BFSP2: variants seen among roughly 807,000 people sequenced by gnomAD.
BFSP2 encodes the protein beaded filament structural protein 2.
BFSP2 carries 38 observed loss-of-function variants against 44.9 expected under a neutral mutation model. The ratio of observed to expected loss-of-function variants is 0.85; its 90% CI spans 0.65 to 1.11. The LOEUF is 1.11. BFSP2 is among the 50% of genes least tolerant of loss of function. The pLI is 0.00. For synonymous variants in BFSP2, 197 were observed against 209.9 expected, an observed-to-expected ratio of 0.94 and a Z score of 0.53; for missense variants, 525 against 533.0, an observed-to-expected ratio of 0.99 and a Z score of 0.15.
Position 133,475,105 on chromosome 3 carries a change from C to T in BFSP2, c.*133C>T. ...GGTTAATTCAGCTTGAGCTGAAAAGCTTCCTGGAAGTGGAGAGGATCCTTC... is the reference window on the plus strand; with the variant it reads ...GGTTAATTCAGCTTGAGCTGAAAAGTTTCCTGGAAGTGGAGAGGATCCTTC... On this transcript the variant is annotated 3_prime_UTR_variant, in exon 7 of 7. Coordinates refer to ENST00000302334, the MANE Select transcript of BFSP2 (RefSeq NM_003571.4). The T allele has an allele frequency of 7.6e-7, 1 of 1,321,672 alleles. No homozygotes were observed. The highest frequency in any genetic ancestry group is 1.2e-5 in the South Asian group (1 of 84,902). 81.9% of individuals were successfully genotyped at this position (1,321,672 alleles called of 1,614,324 possible).
intron 1 of BFSP2, among the ~76,000 whole-genome samples, chr3:133,439,035 C>G (rs2107913998): frequency 6.6e-6 from 1 of 152,358 alleles, no homozygotes; most frequent in South Asian, 2.1e-4. Flanking sequence ...CTCTCTGAGA[C>G]TGAGTTTCCT....
rs534782018 is a variant in BFSP2, at chr3:133,452,075, A to C, written c.891+1611A>C. On this transcript the variant is annotated intron_variant, in intron 4 of 6. Transcript: ENST00000302334. ...GCATTTTCAAAAATCGCCATCCCAGACCAACCAAATCAGACAGAGGAGAGG... is the reference window on the plus strand; with the variant it reads ...GCATTTTCAAAAATCGCCATCCCAGCCCAACCAAATCAGACAGAGGAGAGG... Among the ~76,000 whole-genome samples the C allele has an allele frequency of 5.3e-5, 8 of 152,352 alleles. No homozygotes were observed. In the East Asian group the frequency reaches 1.2e-3, roughly 22 times the overall value.
intron 1 of BFSP2, chr3:133,410,156 G>T: frequency 5.8e-6 from 1 of 171,696 alleles, no homozygotes; most frequent in Non-Finnish European, 1.2e-5. Flanking sequence ...TTTTATAGGA[G>T]ACAAATCTAT....
chr3:133,406,911 C>T (rs2073409595), intron 1 of BFSP2, among the ~76,000 whole-genome samples: 1 of 151,970 alleles, frequency 6.6e-6, no homozygotes, highest in African/African-American at 2.4e-5. Context: ...AAAATAACAT[C>T]AAAAAGCAAT....
At chr3:133,409,212 T>G (rs1039154328) in intron 1 of BFSP2, among the ~76,000 whole-genome samples, 3 of 141,158 alleles carry the variant, frequency 2.1e-5, no homozygotes, top group South Asian at 2.4e-4. Context: ...GCACTGGCAC[T>G]GTTATTCTGA....
chr3:133,400,901 T>C lies in BFSP2; in HGVS notation c.489+329T>C, dbSNP rs1216799080. 6.6e-6 allele frequency among the ~76,000 whole-genome samples: 1 copy of C among 151,880 alleles called. No individual in the cohort carries two copies. Among genetic ancestry groups the C allele is most frequent in the Non-Finnish European group, 1.5e-5 (1 of 67,946 alleles). Reference sequence around the variant, plus strand: ...TTCAAAGCTAGTAGAGGGATGGAGATGAGATTTGAACCTGAATTTTTGTGC... The same window carrying C: ...TTCAAAGCTAGTAGAGGGATGGAGACGAGATTTGAACCTGAATTTTTGTGC... On this transcript the variant is annotated intron_variant, in intron 1 of 6. Transcript: ENST00000302334. This position sits in a 1 kb window ranked among gnomAD's most constrained non-coding sequence, Gnocchi z 4.0.
chr3:133,467,291 C>CGT (rs1309003547), intron 5 of BFSP2, among the ~76,000 whole-genome samples: 5 of 152,216 alleles, frequency 3.3e-5, no homozygotes, highest in Non-Finnish European at 7.3e-5. Context: ...GAAGGTTAGG[C>CGT]CCTGCCCCCC....
At chr3:133,450,782 CT>C (rs1352257882) in intron 4 of BFSP2, among the ~76,000 whole-genome samples, 3 of 152,148 alleles carry the variant, frequency 2.0e-5, no homozygotes, top group African/African-American at 7.2e-5. Flanking sequence ...TAAAATGCCC[CT>C]AGCTACCAAC....
chr3:133,408,535 C>T (rs1229130477), intron 1 of BFSP2, among the ~76,000 whole-genome samples: 2 of 152,228 alleles, frequency 1.3e-5, no homozygotes, highest in Non-Finnish European at 2.9e-5. Flanking sequence ...CAATGACACA[C>T]TGGCAAAAAT....
rs1177848732 is a variant in BFSP2, at chr3:133,431,525, A to G, written c.490-15792A>G. 2.6e-5 allele frequency among the ~76,000 whole-genome samples: 4 copies of G among 151,888 alleles called. No individual in the cohort carries two copies. In the East Asian group the frequency reaches 5.8e-4, roughly 22 times the overall value. ...GGACTGTTCAACTCACCTGGCAGCC[A>G]CTCCCAGAGCCCCTGGAACTCTGGC... is the stretch of plus-strand genomic sequence containing the variant. On this transcript the variant is annotated intron_variant, in intron 1 of 6. Coordinates refer to ENST00000302334, the MANE Select transcript of BFSP2 (RefSeq NM_003571.4).
At chr3:133,426,297 C>CAGGT (rs913537549) in intron 1 of BFSP2, among the ~76,000 whole-genome samples, 1 of 152,088 alleles carries the variant, frequency 6.6e-6, no homozygotes, top group Non-Finnish European at 1.5e-5. Flanking sequence ...CCCCTGCTGA[C>CAGGT]GTGCCTGTCA....
intron 4 of BFSP2, chr3:133,455,858 A>C (rs1418352515): frequency 6.6e-6 from 1 of 152,030 alleles, no homozygotes; most frequent in Non-Finnish European, 1.5e-5. Context: ...TTGTTCCCTC[A>C]CCCTAAGCCT....
intron 1 of BFSP2, among the ~76,000 whole-genome samples, chr3:133,444,625 C>T (rs757989590): frequency 2.6e-5 from 4 of 152,162 alleles, no homozygotes; most frequent in Non-Finnish European, 5.9e-5. Context: ...CCCCACCATG[C>T]TCTCTACAGC....
chr3:133,443,770 T>G (rs1367266218), intron 1 of BFSP2, among the ~76,000 whole-genome samples: 1 of 152,152 alleles, frequency 6.6e-6, no homozygotes, highest in African/African-American at 2.4e-5. Flanking sequence ...TGAGTTTAAT[T>G]TCCCAGGAGC....
intron 1 of BFSP2, among the ~76,000 whole-genome samples, chr3:133,417,340 A>C (rs1363142851): frequency 1.7e-3 from 37 of 21,452 alleles, no homozygotes; most frequent in Admixed American, 3.0e-3. Context: ...TCTCCCCTCC[A>C]CTCACCCCGT....
intron 1 of BFSP2, among the ~76,000 whole-genome samples, chr3:133,420,419 G>A (rs1052219180): frequency 2.0e-5 from 3 of 152,164 alleles, no homozygotes; most frequent in East Asian, 1.9e-4. Context: ...GCTGGAAGAG[G>A]GGATGTTGAG....
chr3:133,444,777 G>A lies in BFSP2; in HGVS notation c.490-2540G>A, dbSNP rs375036459. Reference sequence around the variant, plus strand: ...TTTCCACCTACCCTATGATCACATCGTTCGTCCAGGCCACCATCATTAATA... The same window carrying A: ...TTTCCACCTACCCTATGATCACATCATTCGTCCAGGCCACCATCATTAATA... On this transcript the variant is annotated intron_variant, in intron 1 of 6. Coordinates refer to ENST00000302334, the MANE Select transcript of BFSP2 (RefSeq NM_003571.4). Among the ~76,000 whole-genome samples, 151 of 151,820 alleles carry A rather than the reference G, an allele frequency of 9.9e-4. 4 individuals are homozygous for A. In the South Asian group the frequency reaches 0.031, roughly 31 times the overall value.
intron 6 of BFSP2, among the ~76,000 whole-genome samples, chr3:133,473,940 A>G (rs1576603120): frequency 6.6e-6 from 1 of 152,216 alleles, no homozygotes; most frequent in Non-Finnish European, 1.5e-5. Context: ...ATTGGCCAGA[A>G]CCTGCTTATA....
At chr3:133,424,218 T>TGTGTGTGTGTGTGTG (rs1473665826) in intron 1 of BFSP2, among the ~76,000 whole-genome samples, 1,395 of 64,704 alleles carry the variant, frequency 0.022, 43 homozygotes, top group African/African-American at 0.068. Flanking sequence ...GCTAATTTTT[T>TGTGTGTGTGTGTGTG]TTTTTTTTTT....
Sources: gnomAD v4.1 joint callset for allele counts (sites outside exome capture counted in the v4.1 genomes callset) on GRCh38, gnomAD v4.1.1 for gene constraint, Gnocchi (gnomAD v3.1) non-coding constraint, MANE v1.5 for transcripts, NCBI Gene and HGNC (gene_info 2026-07-23, HGNC 2026-07-21) for gene names.